The following SPRR2F variants were observed in gnomAD, a reference collection of about 807,000 sequenced individuals.
The protein encoded by SPRR2F is small proline-rich protein 2F.
In SPRR2F, 2 loss-of-function variants were observed where a neutral mutation model predicts 0.8. The ratio of observed to expected loss-of-function variants is 2.52; its 90% CI spans 1.03 to 7.95. SPRR2F has a LOEUF of 7.95. Ranked by LOEUF, SPRR2F falls within the 30% of genes most tolerant of loss-of-function variation. The probability of loss-of-function intolerance (pLI) is 0.04; values close to 1 mark genes in which losing one functional copy is unlikely to be tolerated. For synonymous variants in SPRR2F, 39 were observed against 33.4 expected (o/e 1.17, Z -0.58); for missense variants, 80 against 85.8 (o/e 0.93, Z 0.27).
upstream of SPRR2F, among the ~76,000 whole-genome samples, chr1:153,115,154 T>C (rs1655698236): frequency 6.6e-6 from 1 of 152,032 alleles, no homozygotes; most frequent in Admixed American, 6.5e-5. Context: ...GCCAGGACAG[T>C]ACAGAAATAA....
upstream of SPRR2F, among the ~76,000 whole-genome samples, chr1:153,115,859 T>C (rs1655713559): frequency 6.6e-6 from 1 of 152,216 alleles, no homozygotes; most frequent in Non-Finnish European, 1.5e-5. Flanking sequence ...CTCCTACTTT[T>C]ACTCCATAAT....
At chr1:153,114,936 G>A (rs370375325), upstream of SPRR2F, among the ~76,000 whole-genome samples, 25 of 152,174 alleles carry the variant, frequency 1.6e-4, no homozygotes, top group African/African-American at 6.0e-4. Context: ...TTCCAAGAAT[G>A]TGGTTTATAG....
chr1:153,117,414 A>C (rs1352417598), upstream of SPRR2F, among the ~76,000 whole-genome samples: 1 of 152,064 alleles, frequency 6.6e-6, no homozygotes, highest in Non-Finnish European at 1.5e-5. Context: ...GACATTGTAA[A>C]TATTTAGCAT....
At chr1:153,119,456 T>G in the SPRR2F span, among the ~76,000 whole-genome samples, 1 of 152,120 alleles carries the variant, frequency 6.6e-6, no homozygotes, top group Non-Finnish European at 1.5e-5. Flanking sequence ...AAGATTAACG[T>G]CAGAAGATGT....
At chr1:153,118,637 G>T in the SPRR2F span, among the ~76,000 whole-genome samples, 258 of 152,060 alleles carry the variant, frequency 1.7e-3, 3 homozygotes, top group Middle Eastern at 0.02. Flanking sequence ...AAAAATGAGG[G>T]CGAAATTATA....
upstream of SPRR2F, among the ~76,000 whole-genome samples, chr1:153,117,333 C>A (rs1160637180): frequency 6.6e-6 from 1 of 151,918 alleles, no homozygotes; most frequent in East Asian, 1.9e-4. Flanking sequence ...TGTCTTCTGA[C>A]TACTGTTAAG....
At position 153,112,539 on chromosome 1, in the gene SPRR2F, T is replaced by C; in HGVS notation, c.195A>G (p.Pro65=). 6.2e-7 allele frequency: 1 copy of C among 1,612,796 alleles called. No homozygotes were observed. Among genetic ancestry groups the C allele is most frequent in the Admixed American group, 1.7e-5 (1 of 60,012 alleles). The change falls in exon 2 of 2, where the codon CCA becomes CCG. Residue 65 remains proline (P), a synonymous_variant. Coordinates refer to ENST00000468739, the MANE Select transcript of SPRR2F (RefSeq NM_001014450.3). ...PPVTPSPPCQ[P]KCPPKSK The stretch of plus-strand genomic sequence containing the variant: ...GTTACTTGCTCTTGGGTGGACACTT[T>C]GGCTGGCAGGGTGGGGAAGGTGTCA...
At chr1:153,116,228 G>A (rs755896086), upstream of SPRR2F, among the ~76,000 whole-genome samples, 17 of 152,094 alleles carry the variant, frequency 1.1e-4, no homozygotes, top group South Asian at 1.0e-3. Flanking sequence ...AGATCATTAG[G>A]GAGGATGTTT....
Position 153,112,437 on chromosome 1 carries a change from G to A in SPRR2F, c.*78C>T, listed in dbSNP as rs1429441512. 2.5e-5 allele frequency: 39 copies of A among 1,549,398 alleles called. No homozygotes were observed. Among genetic ancestry groups the A allele is most frequent in the Non-Finnish European group, 3.3e-5 (38 of 1,147,422 alleles). On this transcript the variant is annotated 3_prime_UTR_variant, in exon 2 of 2. Transcript: ENST00000468739. ...GTGTATCCCTGGATGGCTTTGATGA[G>A]AAGATGCAGGTGGAGCTGTGGAACG...
the SPRR2F span, among the ~76,000 whole-genome samples, chr1:153,119,072 A>AC: frequency 6.6e-6 from 1 of 152,282 alleles, no homozygotes; most frequent in African/African-American, 2.4e-5. Context: ...CCCCATTGTA[A>AC]CCCCAAAATA....
At chr1:153,115,660 A>G (rs1034800631), upstream of SPRR2F, among the ~76,000 whole-genome samples, 1 of 152,148 alleles carries the variant, frequency 6.6e-6, no homozygotes, top group Non-Finnish European at 1.5e-5. Flanking sequence ...AGGCCCTGAG[A>G]CATGCAGCAA....
intron 1 of SPRR2F, 97 bp from the exon 2 acceptor site, chr1:153,112,849 T>G: frequency 6.5e-7 from 1 of 1,531,258 alleles, no homozygotes; most frequent in Admixed American, 2.0e-5. Context: ...TTCTCCAATC[T>G]CCAAGAAATT....
upstream of SPRR2F, among the ~76,000 whole-genome samples, chr1:153,117,679 G>T (rs764776134): frequency 9.9e-5 from 15 of 152,008 alleles, no homozygotes; most frequent in Admixed American, 1.3e-4. Context: ...ATAATTTCAA[G>T]AGCTATCAGA....
At chr1:153,115,496 G>A (rs901149162), upstream of SPRR2F, among the ~76,000 whole-genome samples, 1 of 152,162 alleles carries the variant, frequency 6.6e-6, no homozygotes, top group Non-Finnish European at 1.5e-5. Context: ...AGGCACCAGA[G>A]TGGCAGCAGC....
At position 153,112,614 on chromosome 1, in the gene SPRR2F, CTTT is replaced by C. The variant is rs779786288; in HGVS notation, c.117_119del (p.Lys40del). 9.2e-5 allele frequency: 148 copies of C among 1,612,624 alleles called. No individual in the cohort carries two copies. The highest frequency in any genetic ancestry group is 1.2e-4 in the Non-Finnish European group (141 of 1,179,858). ...GCTGAGGTGGGCAGGACTGTGGACACTTTGATGGTGGGCAGGGCTCAGGGCACT... is the reference window on the plus strand; with the variant it reads ...GCTGAGGTGGGCAGGACTGTGGACACGATGGTGGGCAGGGCTCAGGGCACT... On this transcript the variant is annotated inframe_deletion, in exon 2 of 2. Coordinates refer to ENST00000468739, the MANE Select transcript of SPRR2F (RefSeq NM_001014450.3).
upstream of SPRR2F, among the ~76,000 whole-genome samples, chr1:153,114,529 C>A (rs1461651976): frequency 6.6e-6 from 1 of 152,088 alleles, no homozygotes; most frequent in African/African-American, 2.4e-5. Context: ...AGTAGGTTTG[C>A]AGAGTGGAGA....
chr1:153,112,589 G>C lies in SPRR2F; in HGVS notation c.145C>G (p.Gln49Glu). Reference protein sequence around the residue: ...SKCPQSCPPQQCQQKCPPVTP... With the variant: ...SKCPQSCPPQECQQKCPPVTP... Reference sequence around the variant, plus strand: ...ACAGGAGGACATTTCTGCTGGCACTGCTGAGGTGGGCAGGACTGTGGACAC... The same window carrying C: ...ACAGGAGGACATTTCTGCTGGCACTCCTGAGGTGGGCAGGACTGTGGACAC... Residue 49 changes from glutamine to glutamate, a missense_variant, in exon 2 of 2, where the codon CAG becomes GAG. By Grantham distance (29) the Gln-to-Glu change is conservative (BLOSUM62 2). Transcript: ENST00000468739. The C allele has an allele frequency of 6.2e-7, 1 of 1,612,984 alleles. No homozygotes were observed. The highest frequency in any genetic ancestry group is 8.5e-7 in the Non-Finnish European group (1 of 1,179,842).
At position 153,112,487 on chromosome 1, in the gene SPRR2F, T is replaced by C. The variant is rs1254101426; in HGVS notation, c.*28A>G. 6.9e-6 allele frequency: 11 copies of C among 1,600,796 alleles called. No individual in the cohort carries two copies. The highest frequency in any genetic ancestry group is 2.7e-5 in the African/African-American group (2 of 74,792). On this transcript the variant is annotated 3_prime_UTR_variant, in exon 2 of 2. Coordinates refer to ENST00000468739, the MANE Select transcript of SPRR2F (RefSeq NM_001014450.3). ...GAGGTGAGCCAATTATCCTTATCCT[T>C]TCATGCTCCTGATGAATCCTGAAGC... is the stretch of plus-strand genomic sequence containing the variant.
At chr1:153,114,542 G>C (rs558564728), upstream of SPRR2F, among the ~76,000 whole-genome samples, 2 of 152,118 alleles carry the variant, frequency 1.3e-5, no homozygotes, top group Non-Finnish European at 2.9e-5. Context: ...AGTGGAGATG[G>C]TCAGCGCACC....
Sources: gnomAD v4.1 joint callset for allele counts (sites outside exome capture counted in the v4.1 genomes callset) on GRCh38, gnomAD v4.1.1 for gene constraint, MANE v1.5 for transcripts, NCBI Gene and HGNC (gene_info 2026-07-23, HGNC 2026-07-21) for gene names.